The following DCDC1 variants were observed in gnomAD, a reference collection of about 807,000 sequenced individuals.
DCDC1 encodes the protein doublecortin domain containing 1.
DCDC1 carries 200 observed loss-of-function variants against 178.3 expected under a neutral mutation model. The ratio of observed to expected loss-of-function variants is 1.12; its 90% CI spans 1.00 to 1.26. The LOEUF (loss-of-function observed/expected upper bound fraction) is 1.26. Among genes scored for constraint, DCDC1 ranks in the 50% most tolerant of loss-of-function variants. The pLI is 0.00. For missense variants in DCDC1, 1,983 were observed against 1,749.2 expected, an observed-to-expected ratio of 1.13 and a Z score of -2.38; for synonymous variants, 690 against 604.8, an observed-to-expected ratio of 1.14 and a Z score of -2.07.
chr11:31,195,328 T>C (rs1970575794), intron 9 of DCDC1, among the ~76,000 whole-genome samples: 1 of 152,090 alleles, frequency 6.6e-6, no homozygotes. Flanking sequence ...TAGAAGTTGA[T>C]CAAGAGTAAC....
intron 3 of DCDC1, among the ~76,000 whole-genome samples, chr11:31,312,287 T>C (rs563917991): frequency 2.6e-5 from 4 of 152,318 alleles, no homozygotes; most frequent in Admixed American, 2.6e-4. Context: ...AAGCATTTTA[T>C]ATATATTTAT....
chr11:31,149,537 T>C (rs208100), intron 9 of DCDC1, among the ~76,000 whole-genome samples: 90,157 of 151,812 alleles, frequency 0.59, 27,222 homozygotes, highest in East Asian at 0.93. Flanking sequence ...CTGCTCGGGT[T>C]GGCTTCCACG....
At chr11:30,929,163 C>T (rs1946772155) in intron 22 of DCDC1, among the ~76,000 whole-genome samples, 1 of 152,048 alleles carries the variant, frequency 6.6e-6, no homozygotes, top group Non-Finnish European at 1.5e-5. Context: ...CCTATGTAGG[C>T]CCTTAATCAT....
rs1958878812 is a variant in DCDC1, at chr11:31,106,802, T to C, written c.1746A>G (p.Ala582=). 1 of 766,048 alleles carries C rather than the reference T, an allele frequency of 1.3e-6. No homozygotes were observed. The highest frequency in any genetic ancestry group is 1.7e-5 in the African/African-American group (1 of 59,106). The allele number at this position is 766,048 out of a possible 1,614,324, so 47.5% of individuals were successfully genotyped here. ...AACAAACCCCTTGCTCCTACCTGTA[T>C]GCTCTACCATAAGAGACCCAAATTT... ...EQKIWVSYGR[A]YRSPLNLALG... Residue 582 remains alanine (A), a synonymous_variant, in exon 13 of 39, where the codon GCA becomes GCG. Transcript: ENST00000684477.
rs1424468076 is a variant in DCDC1, at chr11:31,294,343, T to C, written c.755-3491A>G. 2.6e-5 allele frequency among the ~76,000 whole-genome samples: 4 copies of C among 151,530 alleles called. No homozygotes were observed. In the East Asian group the frequency reaches 5.9e-4, roughly 22 times the overall value. On this transcript the variant is annotated intron_variant, in intron 6 of 38. Coordinates refer to ENST00000684477, the MANE Select transcript of DCDC1 (RefSeq NM_001387274.1). The stretch of plus-strand genomic sequence containing the variant: ...GCCTGTAATTACCCAGCACTTCGGG[T>C]GGCCGAGGCAGTTGGATCACCCAGG...
intron 30 of DCDC1, among the ~76,000 whole-genome samples, chr11:30,905,728 C>T (rs1345859664): frequency 6.6e-6 from 1 of 152,214 alleles, no homozygotes; most frequent in East Asian, 1.9e-4. Context: ...CTCACCATCT[C>T]CTTAAGATTA....
chr11:31,247,113 G>A (rs1943619576), intron 8 of DCDC1, among the ~76,000 whole-genome samples: 1 of 151,986 alleles, frequency 6.6e-6, no homozygotes, highest in Admixed American at 6.6e-5. Flanking sequence ...AATTTCATAG[G>A]TCATACTGTT....
chr11:30,904,852 ATC>A (rs1461345793), intron 31 of DCDC1, 107 bp downstream of exon 31: 2 of 1,287,124 alleles, frequency 1.6e-6, no homozygotes, highest in African/African-American at 2.9e-5. Context: ...TAACTGGTGA[ATC>A]TGGCCAGGGA....
At chr11:31,224,449 T>C (rs1974664035) in intron 9 of DCDC1, among the ~76,000 whole-genome samples, 1 of 152,016 alleles carries the variant, frequency 6.6e-6, no homozygotes, top group Non-Finnish European at 1.5e-5. Flanking sequence ...GACATTGATA[T>C]GGGCAAAGAA....
At chr11:30,927,260 A>G (rs968915258) in intron 22 of DCDC1, among the ~76,000 whole-genome samples, 2 of 152,052 alleles carry the variant, frequency 1.3e-5, no homozygotes, top group African/African-American at 4.8e-5. Context: ...ATTATTTTCA[A>G]TTCTGTATGG....
chr11:30,943,519 TC>T, intron 21 of DCDC1: 1 of 365,530 alleles, frequency 2.7e-6, no homozygotes, highest in Non-Finnish European at 5.4e-6. Context: ...AAATCGTACA[TC>T]TTTTTAATCT....
At chr11:31,226,615 C>G (rs925933174) in intron 9 of DCDC1, among the ~76,000 whole-genome samples, 2 of 149,106 alleles carry the variant, frequency 1.3e-5, no homozygotes, top group Non-Finnish European at 3.0e-5. Context: ...ATGAATAGAA[C>G]AACATCTTTA....
intron 9 of DCDC1, among the ~76,000 whole-genome samples, chr11:31,167,372 A>G (rs1029134736): frequency 2.0e-5 from 3 of 152,174 alleles, no homozygotes; most frequent in Admixed American, 6.5e-5. Context: ...ATTTTAATAA[A>G]GCAACTTTTC....
intron 17 of DCDC1, among the ~76,000 whole-genome samples, chr11:31,086,055 C>A (rs879499794): frequency 1.3e-5 from 2 of 152,040 alleles, no homozygotes. Flanking sequence ...TATACATGAA[C>A]AAAGTATACA....
intron 17 of DCDC1, 98 bp downstream of exon 17, chr11:31,091,295 G>A: frequency 1.7e-6 from 1 of 572,258 alleles, no homozygotes; most frequent in East Asian, 2.9e-5. Flanking sequence ...AACATTGAAT[G>A]AATATTCAAT....
At chr11:31,182,665 G>A (rs376540577) in intron 9 of DCDC1, among the ~76,000 whole-genome samples, 4 of 152,120 alleles carry the variant, frequency 2.6e-5, no homozygotes, top group East Asian at 3.9e-4. Flanking sequence ...TGTAAAGGCC[G>A]TCAACACCAT....
intron 1 of DCDC1, among the ~76,000 whole-genome samples, chr11:31,354,938 C>A (rs968958798): frequency 6.6e-6 from 1 of 151,638 alleles, no homozygotes; most frequent in Non-Finnish European, 1.5e-5. Flanking sequence ...CAACTTTTGA[C>A]CTTTTTTTCC....
chr11:30,911,295 C>G, intron 28 of DCDC1, 32 bp downstream of exon 28: 1 of 1,529,984 alleles, frequency 6.5e-7, no homozygotes, highest in Non-Finnish European at 8.9e-7. Flanking sequence ...AATTAAAAGG[C>G]CATGACTAAT....
intron 9 of DCDC1, among the ~76,000 whole-genome samples, chr11:31,229,430 T>C (rs182601925): frequency 2.0e-5 from 3 of 152,276 alleles, no homozygotes; most frequent in Admixed American, 2.0e-4. Flanking sequence ...CATGAACAAG[T>C]AATGTTTATC....
Sources: allele counts gnomAD v4.1 joint callset (sites outside exome capture counted in the v4.1 genomes callset), GRCh38; gene constraint gnomAD v4.1.1; transcripts MANE v1.5; gene names NCBI Gene and HGNC (gene_info 2026-07-23, HGNC 2026-07-21).